The following MBOAT2 variants were observed in gnomAD, a reference collection of about 807,000 sequenced individuals.
MBOAT2 encodes membrane-bound glycerophospholipid O-acyltransferase 2.
MBOAT2 carries 28 observed loss-of-function variants against 63.4 expected under a neutral mutation model. That is an observed-to-expected ratio of 0.44 (90% confidence interval 0.33 to 0.61). The LOEUF is 0.61. MBOAT2 is among the 20% of genes least tolerant of loss of function. The pLI is 0.03. For missense variants in MBOAT2, 470 were observed against 605.8 expected, an observed-to-expected ratio of 0.78 and a Z score of 2.35; for synonymous variants, 211 against 215.6, an observed-to-expected ratio of 0.98 and a Z score of 0.19.
intron 5 of MBOAT2, 62 bp downstream of exon 5, chr2:8,887,956 C>A: frequency 6.8e-7 from 1 of 1,477,044 alleles, no homozygotes; most frequent in South Asian, 1.1e-5. Context: ...GGCAATATCT[C>A]AAGCAAAAGA....
At chr2:8,865,718 C>T (rs1202225028) in intron 9 of MBOAT2, among the ~76,000 whole-genome samples, 1 of 152,216 alleles carries the variant, frequency 6.6e-6, no homozygotes, top group African/African-American at 2.4e-5. Context: ...TATGCCAATC[C>T]CTCTCCTGAA....
intron 10 of MBOAT2, among the ~76,000 whole-genome samples, chr2:8,863,695 T>A (rs1382097675): frequency 1.3e-5 from 2 of 152,212 alleles, no homozygotes; most frequent in African/African-American, 4.8e-5. Flanking sequence ...AATTGTGAAC[T>A]CTTTCACTTT....
chr2:8,953,749 C>T (rs2103264445), intron 2 of MBOAT2, among the ~76,000 whole-genome samples: 1 of 152,250 alleles, frequency 6.6e-6, no homozygotes, highest in Non-Finnish European at 1.5e-5. Flanking sequence ...TTTTAAAATT[C>T]CTTGAGTGAG....
intron 4 of MBOAT2, among the ~76,000 whole-genome samples, chr2:8,902,656 T>C (rs967518819): frequency 6.6e-6 from 1 of 152,144 alleles, no homozygotes; most frequent in Admixed American, 6.5e-5. Context: ...GCGGTGACTG[T>C]TACAGTTCAT....
intron 1 of MBOAT2, among the ~76,000 whole-genome samples, chr2:8,995,838 G>A (rs934078766): frequency 2.7e-4 from 41 of 152,138 alleles, no homozygotes; most frequent in African/African-American, 8.0e-4. Context: ...TGATCCGCCC[G>A]CCTCGGCCTC....
At chr2:8,919,531 A>G (rs1666422413) in intron 3 of MBOAT2, among the ~76,000 whole-genome samples, 1 of 152,132 alleles carries the variant, frequency 6.6e-6, no homozygotes, top group Admixed American at 6.5e-5. Flanking sequence ...TTGGCCATGA[A>G]ATGTGTAACT....
intron 12 of MBOAT2, among the ~76,000 whole-genome samples, chr2:8,859,556 CAT>C (rs1661344563): frequency 6.6e-6 from 1 of 152,176 alleles, no homozygotes; most frequent in African/African-American, 2.4e-5. Context: ...CATTTTTAAA[CAT>C]GTACTAATTT....
chr2:8,861,755 C>G (rs1372379061), intron 11 of MBOAT2, among the ~76,000 whole-genome samples: 1 of 152,170 alleles, frequency 6.6e-6, no homozygotes, highest in Non-Finnish European at 1.5e-5. Flanking sequence ...AACACCTATG[C>G]TACTTAGTAT....
chr2:8,939,183 T>C (rs1667876325), intron 3 of MBOAT2, among the ~76,000 whole-genome samples: 1 of 152,198 alleles, frequency 6.6e-6, no homozygotes, highest in Admixed American at 6.5e-5. Context: ...ATCTTTCTAC[T>C]AAATGGAGAC....
chr2:8,924,218 G>C (rs960112880), intron 3 of MBOAT2, among the ~76,000 whole-genome samples: 6 of 152,058 alleles, frequency 3.9e-5, no homozygotes, highest in Non-Finnish European at 8.8e-5. Context: ...ACTCACTTTA[G>C]AACACTTGGG....
In MBOAT2 at chr2:8,868,515, G is replaced by C; in HGVS notation, c.918C>G (p.Phe306Leu). The C allele has an allele frequency of 6.2e-7, 1 of 1,613,900 alleles. No individual in the cohort carries two copies. The highest frequency in any genetic ancestry group is 8.5e-7 in the Non-Finnish European group (1 of 1,179,940). Reference protein sequence around the residue: ...DAINNAAGFGFRGYDENGAAR... With the variant: ...DAINNAAGFGLRGYDENGAAR... ...CTGCTCCATTTTCGTCATACCCTCT[G>C]AAACCAAAGCCTGCAGCATTATTAA... The change falls in exon 9 of 13, where the codon TTC becomes TTG. Residue 306 changes from phenylalanine to leucine, a missense_variant. Physicochemically the swap from Phe to Leu is conservative, Grantham distance 22 (BLOSUM62 0). Transcript: ENST00000305997.
Position 8,898,013 on chromosome 2 carries a change from G to A in MBOAT2, c.396-9940C>T, listed in dbSNP as rs781622583. On this transcript the variant is annotated intron_variant, in intron 4 of 12. Transcript: ENST00000305997. ...TTTTGATAGCCTCTGACACTAAGAC[G>A]GCCACCGCCACAACTATCCGTAAAC... Among the ~76,000 whole-genome samples, 26 of 152,184 alleles carry A rather than the reference G, an allele frequency of 1.7e-4. 1 individual carries two copies. The East Asian group carries it at 2.5e-3, about 15-fold the overall frequency.
At chr2:8,924,619 A>G (rs1424421851) in intron 3 of MBOAT2, among the ~76,000 whole-genome samples, 1 of 152,166 alleles carries the variant, frequency 6.6e-6, no homozygotes, top group Non-Finnish European at 1.5e-5. Context: ...ACACTGATAC[A>G]TGAAGTCACT....
At chr2:8,958,234 G>A (rs1669363578) in intron 2 of MBOAT2, among the ~76,000 whole-genome samples, 1 of 152,130 alleles carries the variant, frequency 6.6e-6, no homozygotes, top group African/African-American at 2.4e-5. Context: ...ACTCATGACA[G>A]AATCAAATGC....
intron 1 of MBOAT2, among the ~76,000 whole-genome samples, chr2:8,964,171 C>T (rs1325160687): frequency 6.6e-6 from 1 of 152,220 alleles, no homozygotes; most frequent in Middle Eastern, 3.2e-3. Flanking sequence ...CCTTCCACCC[C>T]TCCCACAAAG....
intron 2 of MBOAT2, among the ~76,000 whole-genome samples, chr2:8,956,185 A>C (rs187536110): frequency 3.3e-5 from 5 of 152,320 alleles, no homozygotes; most frequent in Admixed American, 3.3e-4. Flanking sequence ...GTTTTCCAAA[A>C]GGGAAGTTGT....
At chr2:8,939,785 A>G (rs1361002020) in intron 3 of MBOAT2, among the ~76,000 whole-genome samples, 1 of 152,192 alleles carries the variant, frequency 6.6e-6, no homozygotes, top group Non-Finnish European at 1.5e-5. Context: ...GTTCTAAAAC[A>G]TCACATGATG....
At position 8,873,227 on chromosome 2, in the gene MBOAT2, G is replaced by A; in HGVS notation, c.764C>T (p.Pro255Leu). 1 of 1,614,184 alleles carries A rather than the reference G, an allele frequency of 6.2e-7. No individual in the cohort carries two copies. The highest frequency in any genetic ancestry group is 1.1e-5 in the South Asian group (1 of 91,090). ...LFHLTICTTLPVEYNIDEHFQ... is the reference protein window; with the variant it reads ...LFHLTICTTLLVEYNIDEHFQ... ...ATGCTCATCAATGTTGTACTCCACA[G>A]GTAATGTTGTACAGATGGTCAAGTG... is the stretch of plus-strand genomic sequence containing the variant. Residue 255 changes from proline (P) to leucine (L), a missense_variant, in exon 8 of 13, where the codon CCT becomes CTT. Around this residue, in one of 3 missense-constraint regions of MBOAT2, gnomAD observed 376 missense variants for 503.8 expected, o/e 0.75. Coordinates refer to ENST00000305997, the MANE Select transcript of MBOAT2 (RefSeq NM_138799.4).
Position 8,862,434 on chromosome 2 carries a change from G to A in MBOAT2, c.1185+156C>T. Reference sequence around the variant, plus strand: ...GAGCCTAGCCCGTGGTGAGCGCTCAGCAAACATGCACGCAGTACACACCTC... The same window carrying A: ...GAGCCTAGCCCGTGGTGAGCGCTCAACAAACATGCACGCAGTACACACCTC... On this transcript the variant is annotated intron_variant, in intron 11 of 12. Coordinates refer to ENST00000305997, the MANE Select transcript of MBOAT2 (RefSeq NM_138799.4). This position sits in a 1 kb window ranked among gnomAD's most constrained non-coding sequence, Gnocchi z 4.3. The A allele has an allele frequency of 7.6e-7, 1 of 1,309,530 alleles. No homozygotes were observed. Among genetic ancestry groups the A allele is most frequent in the African/African-American group, 1.5e-5 (1 of 67,944 alleles). 81.1% of individuals were successfully genotyped at this position (1,309,530 alleles called of 1,614,324 possible). A position where few individuals can be genotyped will look rare whatever the true frequency, so the allele number is the denominator to read the frequency against.
Sources: allele counts gnomAD v4.1 joint callset (sites outside exome capture counted in the v4.1 genomes callset), GRCh38; gene constraint gnomAD v4.1.1; regional missense constraint gnomAD v4.1.1; non-coding constraint Gnocchi (gnomAD v3.1); transcripts MANE v1.5; gene names NCBI Gene and HGNC (gene_info 2026-07-23, HGNC 2026-07-21).